The following PKHD1 variants were observed in gnomAD, a reference collection of about 807,000 sequenced individuals.
PKHD1 encodes the protein PKHD1 ciliary IPT domain containing fibrocystin/polyductin, also known as fibrocystin.
In PKHD1, 291 loss-of-function variants were observed where a neutral mutation model predicts 412.0. That is an observed-to-expected ratio of 0.71 (90% CI 0.64 to 0.78). The LOEUF is 0.78. Ranked by LOEUF, PKHD1 falls within the 30% of genes least tolerant of loss-of-function variation. The pLI is 0.00. For missense variants in PKHD1, 4,825 were observed against 4,950.7 expected, an observed-to-expected ratio of 0.97 and a Z score of 0.76; for synonymous variants, 1,777 against 1,821.5, an observed-to-expected ratio of 0.98 and a Z score of 0.62.
intron 60 of PKHD1, among the ~76,000 whole-genome samples, chr6:51,730,500 A>T (rs939468450): frequency 4.6e-5 from 7 of 152,230 alleles, no homozygotes; most frequent in Non-Finnish European, 1.0e-4. Context: ...TATAAACTAA[A>T]TTGTCAAATG....
chr6:51,691,205 G>A (rs1226778281), intron 60 of PKHD1, among the ~76,000 whole-genome samples: 1 of 152,142 alleles, frequency 6.6e-6, no homozygotes, highest in African/African-American at 2.4e-5. Flanking sequence ...TATATTGTTG[G>A]TGGGAGTGTA....
At chr6:51,728,828 C>T (rs761231712) in intron 60 of PKHD1, among the ~76,000 whole-genome samples, 1 of 152,190 alleles carries the variant, frequency 6.6e-6, no homozygotes, top group Non-Finnish European at 1.5e-5. Flanking sequence ...GGATGTCATG[C>T]TCAAATGTTC....
At chr6:52,057,716 G>C (rs1214813989) in intron 16 of PKHD1, among the ~76,000 whole-genome samples, 1 of 152,116 alleles carries the variant, frequency 6.6e-6, no homozygotes, top group Non-Finnish European at 1.5e-5. Flanking sequence ...CACCTGGCCA[G>C]CTTTTAATCT....
chr6:51,686,548 T>C (rs557398), intron 60 of PKHD1, among the ~76,000 whole-genome samples: 149,045 of 152,262 alleles, frequency 0.98, 73,040 homozygotes, highest in East Asian at 1. Context: ...CTTTTTGCTT[T>C]CTATGATGCT....
At chr6:51,837,703 T>C (rs1769480975) in intron 50 of PKHD1, among the ~76,000 whole-genome samples, 1 of 150,756 alleles carries the variant, frequency 6.6e-6, no homozygotes, top group East Asian at 2.0e-4. Flanking sequence ...CAAGACTCTG[T>C]CTTGAAAAAA....
intron 52 of PKHD1, among the ~76,000 whole-genome samples, chr6:51,798,951 T>C (rs1795000066): frequency 6.6e-6 from 1 of 152,148 alleles, no homozygotes; most frequent in South Asian, 2.1e-4. Context: ...ATATGACAAG[T>C]ACATGAAGTT....
At position 51,855,821 on chromosome 6, in the gene PKHD1, C is replaced by T. The variant is rs1178212029; in HGVS notation, c.7911+72G>A. The T allele has an allele frequency of 1.3e-5, 15 of 1,168,484 alleles. No individual in the cohort carries two copies. The South Asian group carries it at 1.5e-4, about 11-fold the overall frequency. The allele number at this position is 1,168,484 out of a possible 1,614,324, so 72.4% of individuals were successfully genotyped here. On this transcript the variant is annotated intron_variant, in intron 49 of 66. Transcript: ENST00000371117. ...GAGATAACCTGCTCCTCTTTCAACC[C>T]ATTATCTCAAACAAAGAAAGATAAG...
chr6:51,635,488 T>C (rs1259871183), intron 64 of PKHD1, among the ~76,000 whole-genome samples: 6 of 152,126 alleles, frequency 3.9e-5, no homozygotes, highest in African/African-American at 1.4e-4. Flanking sequence ...GCACCAGGCT[T>C]TTCTACACCC....
At chr6:51,782,682 G>A (rs1298152255) in intron 53 of PKHD1, among the ~76,000 whole-genome samples, 1 of 152,084 alleles carries the variant, frequency 6.6e-6, no homozygotes, top group Non-Finnish European at 1.5e-5. Context: ...GCATATGTGG[G>A]TATTTGTGTC....
chr6:52,058,677 A>AG, intron 15 of PKHD1, 76 bp from the exon 16 acceptor site: 1 of 1,417,246 alleles, frequency 7.1e-7, no homozygotes, highest in Non-Finnish European at 9.9e-7. Flanking sequence ...TAAGTGTCTG[A>AG]ACTGCTACTA....
Position 52,041,719 on chromosome 6 carries a change from G to A in PKHD1, c.3097+1140C>T, listed in dbSNP as rs1562208582. Among the ~76,000 whole-genome samples, 9 of 152,080 alleles carry A rather than the reference G, an allele frequency of 5.9e-5. No individual in the cohort carries two copies. The South Asian group carries it at 1.9e-3, about 32-fold the overall frequency. ...TAGAAATCCCTTCACTGAACAGCAT[G>A]TTCTGATAGGGTAACCAACTCACTC... On this transcript the variant is annotated intron_variant, in intron 27 of 66. Transcript: ENST00000371117.
Position 51,748,615 on chromosome 6 carries a change from A to G in PKHD1, c.9001T>C (p.Tyr3001His). 6.2e-7 allele frequency: 1 copy of G among 1,613,794 alleles called. No homozygotes were observed. The highest frequency in any genetic ancestry group is 1.3e-5 in the African/African-American group (1 of 75,022). The change falls in exon 58 of 67, where the codon TAC becomes CAC. Residue 3001 changes from tyrosine to histidine, a missense_variant. Physicochemically the swap from Tyr to His is moderately conservative, Grantham distance 83. Coordinates refer to ENST00000371117, the MANE Select transcript of PKHD1 (RefSeq NM_138694.4). ...ACATTACTGAATTCAACAGATGAGT[A>G]CAATGGTGACCCGAAGTTCTGAATT... ...VEIQNFGSPL[Y>H]SSVEFSNVSA...
At chr6:51,944,542 A>G (rs1455139167) in intron 36 of PKHD1, among the ~76,000 whole-genome samples, 1 of 152,054 alleles carries the variant, frequency 6.6e-6, no homozygotes, top group Non-Finnish European at 1.5e-5. Context: ...GCCCTTACCT[A>G]AAGACAGACT....
chr6:52,017,583 A>G lies in PKHD1; in HGVS notation c.5427T>C (p.Cys1809=). 1 of 1,614,038 alleles carries G rather than the reference A, an allele frequency of 6.2e-7. No homozygotes were observed. The highest frequency in any genetic ancestry group is 1.3e-5 in the African/African-American group (1 of 75,042). ...LCGLKREEDS[C]EAARHTYVQC... is the part of the protein sequence containing the mutation. ...GCACATAGGTGTGTCTGGCAGCCTC[A>G]CAGCTGTCCTCCTCACGCTTCAGGC... The change falls in exon 34 of 67, where the codon TGT becomes TGC. Residue 1809 remains cysteine (C), a synonymous_variant. Transcript: ENST00000371117.
At chr6:52,054,501 A>T (rs1284688234) in intron 19 of PKHD1, among the ~76,000 whole-genome samples, 4 of 152,078 alleles carry the variant, frequency 2.6e-5, no homozygotes. Context: ...TAACCCAATT[A>T]CCCGTGCAAC....
rs772732172 is a variant in PKHD1 at position 51,615,637 on chromosome 6, C to T, written c.*3444G>A. On this transcript the variant is annotated 3_prime_UTR_variant, in exon 67 of 67. Transcript: ENST00000371117. ...TAGAAGCTTGGTTGAATAATATTTG[C>T]ATATGATTTACATTTGATTTCCTCA... The T allele has an allele frequency of 3.3e-5, 5 of 152,112 alleles. No homozygotes were observed. The highest frequency in any genetic ancestry group is 4.8e-5 in the African/African-American group (2 of 41,426). The allele number at this position is 152,112 out of a possible 1,614,324, so 9.4% of individuals were successfully genotyped here.
In PKHD1 at chr6:51,971,150, CGTAA is replaced by C. The variant is rs1249483844; in HGVS notation, c.5752-11128_5752-11125del. ...TTTCACCTCCTTGGTTAAATATATTCGTAAGTATTTTATTTGGTTTTGCATGTGC... is the reference window on the plus strand; with the variant it reads ...TTTCACCTCCTTGGTTAAATATATTCGTATTTTATTTGGTTTTGCATGTGC... On this transcript the variant is annotated intron_variant, in intron 35 of 66. Coordinates refer to ENST00000371117, the MANE Select transcript of PKHD1 (RefSeq NM_138694.4). 3.3e-5 allele frequency among the ~76,000 whole-genome samples: 5 copies of C among 152,206 alleles called. No homozygotes were observed. The East Asian group carries it at 9.6e-4, about 29-fold the overall frequency.
intron 60 of PKHD1, among the ~76,000 whole-genome samples, chr6:51,675,585 T>C (rs1403633317): frequency 1.3e-5 from 2 of 152,182 alleles, no homozygotes; most frequent in African/African-American, 4.8e-5. Context: ...ATCTGATTAT[T>C]TCCTCATGAA....
chr6:52,051,807 T>C (rs9463750), intron 21 of PKHD1, among the ~76,000 whole-genome samples: 4,702 of 113,628 alleles, frequency 0.041, 249 homozygotes, highest in African/African-American at 0.12. Context: ...GAGGCAGCAC[T>C]TGGGGTCACC....
Sources: allele counts gnomAD v4.1 joint callset (sites outside exome capture counted in the v4.1 genomes callset), GRCh38; gene constraint gnomAD v4.1.1; transcripts MANE v1.5; gene names NCBI Gene and HGNC (gene_info 2026-07-23, HGNC 2026-07-21).